CHD8: variants seen among roughly 807,000 people sequenced by gnomAD.
CHD8 encodes chromodomain helicase DNA binding protein 8, also known as ATP-dependent chromatin remodeler CHD8.
A neutral mutation model predicts 279.2 loss-of-function variants in CHD8; 31 were observed. That is an observed-to-expected ratio of 0.11 (90% CI 0.08 to 0.15). CHD8 has a LOEUF of 0.15. Among genes scored for constraint, CHD8 ranks in the 10% least tolerant of loss-of-function variants. The pLI, the probability that CHD8 is intolerant of heterozygous loss-of-function variation, is 1.00. For synonymous variants in CHD8, 1,081 were observed against 1,139.6 expected (o/e 0.95, Z 1.04); for missense variants, 2,146 against 3,230.5 (o/e 0.66, Z 8.14).
In CHD8 at chr14:21,400,418, T is replaced by C; in HGVS notation, c.4565A>G (p.His1522Arg). The C allele has an allele frequency of 1.2e-6, 2 of 1,600,590 alleles. No homozygotes were observed. Among genetic ancestry groups the C allele is most frequent in the Non-Finnish European group, 1.7e-6 (2 of 1,176,162 alleles). Residue 1522 changes from histidine to arginine, a missense_variant, in exon 23 of 38, where the codon CAT becomes CGT. By Grantham distance (29) the His-to-Arg change is conservative. Transcript: ENST00000646647. The surrounding 1 kb of genome is among the most constrained non-coding windows in gnomAD (Gnocchi z 4.2). ...AGTAAAGAGTTGATAATTACCTGAA[T>C]GATTCTGCAATTCTTTTGTCTTGCC... ...ENGKTKELQN[H>R]SGLSIPVPRG...
rs768690204 is a variant in CHD8, at chr14:21,427,953, C to T, written c.1517G>A (p.Ser506Asn). Reference sequence around the variant, plus strand: ...CTCCTCTTTCAGCCTCTCCCCAGCACTCTTCTTCCTGCGTTTCTTCTCGCC... The same window carrying T: ...CTCCTCTTTCAGCCTCTCCCCAGCATTCTTCTTCCTGCGTTTCTTCTCGCC... ...EEGEKKRRKKSAGERLKEEKP... is the reference protein window; with the variant it reads ...EEGEKKRRKKNAGERLKEEKP... Residue 506 changes from serine to asparagine, a missense_variant, in exon 4 of 38, where the codon AGT becomes AAT. Ser to Asn is a conservative substitution (Grantham distance 46). Transcript: ENST00000646647. 13 of 1,613,956 alleles carry T rather than the reference C, an allele frequency of 8.1e-6. No individual in the cohort carries two copies. The highest frequency in any genetic ancestry group is 4.0e-5 in the African/African-American group (3 of 74,944).
chr14:21,437,514 G>C (rs1178173535), intron 1 of CHD8, among the ~76,000 whole-genome samples: 1 of 151,540 alleles, frequency 6.6e-6, no homozygotes, highest in African/African-American at 2.4e-5. Flanking sequence ...CGCGAAACCA[G>C]TCCTGGAGAT....
chr14:21,436,856 G>A (rs1435512271), intron 1 of CHD8: 1 of 776,264 alleles, frequency 1.3e-6, no homozygotes. Context: ...TGATGGAGAG[G>A]AAAACGCGAC....
In CHD8 at chr14:21,431,828, G is replaced by A; in HGVS notation, c.-185C>T. 1 of 1,613,136 alleles carries A rather than the reference G, an allele frequency of 6.2e-7. No homozygotes were observed. The highest frequency in any genetic ancestry group is 8.5e-7 in the Non-Finnish European group (1 of 1,179,114). On this transcript the variant is annotated 5_prime_UTR_variant, in exon 2 of 38. Coordinates refer to ENST00000646647, the MANE Select transcript of CHD8 (RefSeq NM_001170629.2). ...GTCCTGACCTTCATGGAGCAAGATG[G>A]CTACGTCTTCAGAGGAAGATGGTGG...
intron 1 of CHD8, among the ~76,000 whole-genome samples, chr14:21,454,255 G>C (rs1397668022): frequency 2.0e-5 from 3 of 151,614 alleles, no homozygotes; most frequent in Non-Finnish European, 4.4e-5. Flanking sequence ...GCACAGGACA[G>C]ATCAAACATG....
chr14:21,402,427 T>C lies in CHD8; in HGVS notation c.3791A>G (p.Glu1264Gly). 6.2e-7 allele frequency: 1 copy of C among 1,614,152 alleles called. No homozygotes were observed. The highest frequency in any genetic ancestry group is 8.5e-7 in the Non-Finnish European group (1 of 1,180,000). Residue 1264 changes from glutamate to glycine, a missense_variant, in exon 19 of 38, where the codon GAG (glutamate) becomes GGG (glycine). Glu to Gly is a moderately conservative substitution (Grantham distance 98, BLOSUM62 -2). Transcript: ENST00000646647. The surrounding 1 kb of genome is among the most constrained non-coding windows in gnomAD (Gnocchi z 4.5). ...GCTGGCCTTATCAAACATCTCTCTC[T>C]CGTAGGAATTACGAGTGATGAGGCG... Reference protein sequence around the residue: ...VYRLITRNSYEREMFDKASLK... With the variant: ...VYRLITRNSYGREMFDKASLK...
intron 34 of CHD8, 163 bp from the exon 35 acceptor site, chr14:21,392,109 A>G: frequency 1.3e-6 from 1 of 763,564 alleles, no homozygotes; most frequent in Non-Finnish European, 2.4e-6. Context: ...AAGAAAACAT[A>G]CACACTTTTT....
intron 37 of CHD8, among the ~76,000 whole-genome samples, chr14:21,390,539 G>T (rs185381216): frequency 6.6e-6 from 1 of 152,118 alleles, no homozygotes; most frequent in Non-Finnish European, 1.5e-5. Context: ...CAACACTTTG[G>T]GAGGCCGAGG....
chr14:21,417,902 C>A (rs1236670775), intron 5 of CHD8, among the ~76,000 whole-genome samples: 9 of 145,672 alleles, frequency 6.2e-5, no homozygotes, highest in Admixed American at 6.2e-4. Flanking sequence ...TATATACACA[C>A]ACACACACAT....
Position 21,392,628 on chromosome 14 carries a change from C to T in CHD8, c.6650G>A (p.Arg2217Gln), listed in dbSNP as rs149307240. The change falls in exon 34 of 38, where the codon CGA becomes CAA. Residue 2217 changes from arginine (R) to glutamine (Q), a missense_variant. Physicochemically the swap from Arg to Gln is conservative, Grantham distance 43. Coordinates refer to ENST00000646647, the MANE Select transcript of CHD8 (RefSeq NM_001170629.2). ...EYGDSPVPTP[R>Q]SSSAASMAEE... ...TGCCATGGAAGCTGCACTACTACTT[C>T]GTGGTGTGGGGACTGGAGAGTCACC... 1.0e-3 allele frequency: 1,679 copies of T among 1,613,972 alleles called. 9 individuals are homozygous for T. The Admixed American group carries it at 0.012, about 12-fold the overall frequency.
intron 35 of CHD8, 75 bp downstream of exon 35, chr14:21,391,758 C>T (rs2139442810): frequency 2.6e-6 from 4 of 1,520,430 alleles, no homozygotes; most frequent in East Asian, 2.3e-5. Flanking sequence ...TTCCCCCAGT[C>T]CCACTGCCTT....
At position 21,431,892 on chromosome 14, in the gene CHD8, G is replaced by A. The variant is rs573691185; in HGVS notation, c.-215-34C>T. On this transcript the variant is annotated intron_variant, in intron 1 of 37. Transcript: ENST00000646647. ...GGAATACAAATACAAATGAAAAATA[G>A]GCAAAGTTGGCGATCTCAGAGAAAA... is the stretch of plus-strand genomic sequence containing the variant. The A allele has an allele frequency of 3.1e-5, 45 of 1,463,778 alleles. No individual in the cohort carries two copies. In the African/African-American group the frequency reaches 5.0e-4, roughly 16 times the overall value. The allele number at this position is 1,463,778 out of a possible 1,614,324, so 90.7% of individuals were successfully genotyped here.
intron 2 of CHD8, chr14:21,429,594 T>C: frequency 1.8e-6 from 1 of 564,974 alleles, no homozygotes; most frequent in East Asian, 3.7e-5. Context: ...AAGGGAGTGC[T>C]GCCCTGCTCC....
intron 13 of CHD8, among the ~76,000 whole-genome samples, chr14:21,407,467 A>G (rs1404835984): frequency 6.6e-6 from 1 of 152,244 alleles, no homozygotes; most frequent in Non-Finnish European, 1.5e-5. Context: ...AACAAAATTA[A>G]AAGCTGCAAA....
At chr14:21,451,659 G>A (rs1396041296) in intron 1 of CHD8, among the ~76,000 whole-genome samples, 4 of 145,584 alleles carry the variant, frequency 2.7e-5, no homozygotes, top group Non-Finnish European at 4.5e-5. Context: ...TTATTATCCT[G>A]TACCATACAA....
Position 21,393,274 on chromosome 14 carries a change from A to G in CHD8, c.6320-20T>C. On this transcript the variant is annotated intron_variant, in intron 32 of 37. Transcript: ENST00000646647. ...GGTCAGCTGGTAAGAGAGCCCATAG[A>G]ATGTGTGAGAAAAGATGGAAGAATA... 1 of 1,612,868 alleles carries G rather than the reference A, an allele frequency of 6.2e-7. No homozygotes were observed. The highest frequency in any genetic ancestry group is 8.5e-7 in the Non-Finnish European group (1 of 1,179,310).
chr14:21,397,999 C>T lies in CHD8; in HGVS notation c.4922-47G>A, dbSNP rs1228066691. On this transcript the variant is annotated intron_variant, in intron 26 of 37. Coordinates refer to ENST00000646647, the MANE Select transcript of CHD8 (RefSeq NM_001170629.2). ...TTGAAGAAAATGAGATTTGTTTTGC[C>T]TTTATGCTTACTTTATATGCTGCTG... 1.9e-6 allele frequency: 3 copies of T among 1,546,848 alleles called. No homozygotes were observed. The East Asian group carries it at 6.9e-5, about 36-fold the overall frequency.
At chr14:21,386,742 G>C (rs1183508194) in intron 37 of CHD8, among the ~76,000 whole-genome samples, 2 of 152,010 alleles carry the variant, frequency 1.3e-5, no homozygotes, top group Non-Finnish European at 1.5e-5. Context: ...GGGAGGCTGA[G>C]GCAGGAGAAT....
chr14:21,391,867 T>C lies in CHD8; in HGVS notation c.6851A>G (p.His2284Arg). Residue 2284 changes from histidine to arginine, a missense_variant, in exon 35 of 38, where the codon CAT (histidine) becomes CGT (arginine). His to Arg is a conservative substitution (Grantham distance 29, BLOSUM62 0). This residue lies in a region of CHD8 where 336 missense variants were observed against 392.9 expected (regional missense o/e 0.86). Transcript: ENST00000646647. ...CTTCTTTCTGTTCCCCTTCTTCTTA[T>C]GAAACAGTGGATGTCCATCTCCCAT... The part of the protein sequence containing the change: ...GVMGDGHPLF[H>R]KKKGNRKKLV... 1 of 1,613,736 alleles carries C rather than the reference T, an allele frequency of 6.2e-7. No individual in the cohort carries two copies. The highest frequency in any genetic ancestry group is 8.5e-7 in the Non-Finnish European group (1 of 1,179,610).
Sources: gnomAD v4.1 joint callset for allele counts (sites outside exome capture counted in the v4.1 genomes callset) on GRCh38, gnomAD v4.1.1 for gene constraint, gnomAD v4.1.1 regional missense constraint, Gnocchi (gnomAD v3.1) non-coding constraint, MANE v1.5 for transcripts, NCBI Gene and HGNC (gene_info 2026-07-23, HGNC 2026-07-21) for gene names.